The following B3GALT1 variants were observed in gnomAD, a reference collection of about 807,000 sequenced individuals.
B3GALT1 encodes beta-1,3-galactosyltransferase 1.
Under a neutral mutation model 23.2 loss-of-function variants are expected in B3GALT1, and 10 were observed. The ratio of observed to expected loss-of-function variants is 0.43; its 90% confidence interval spans 0.27 to 0.73. The LOEUF (loss-of-function observed/expected upper bound fraction) is 0.73. B3GALT1 is among the 30% of genes least tolerant of loss of function. The pLI, the probability that B3GALT1 is intolerant of heterozygous loss-of-function variation, is 0.21. For synonymous variants in B3GALT1, 156 were observed against 141.5 expected (o/e 1.10, Z -0.73); for missense variants, 299 against 405.4 (o/e 0.74, Z 2.25).
At chr2:167,394,759 C>G (rs186105453) in intron 1 of B3GALT1, among the ~76,000 whole-genome samples, 1 of 152,116 alleles carries the variant, frequency 6.6e-6, no homozygotes, top group Non-Finnish European at 1.5e-5. Flanking sequence ...GACCAGAAGA[C>G]AAAATTGTAG....
intron 2 of B3GALT1, among the ~76,000 whole-genome samples, chr2:167,632,699 C>G (rs1040385599): frequency 6.6e-6 from 1 of 151,782 alleles, no homozygotes; most frequent in African/African-American, 2.4e-5. Context: ...GATATTAGCC[C>G]TTTGTGAGAT....
chr2:167,762,313 G>A (rs568190263), intron 3 of B3GALT1, among the ~76,000 whole-genome samples: 1 of 152,164 alleles, frequency 6.6e-6, no homozygotes, highest in African/African-American at 2.4e-5. Context: ...CAAGAATATG[G>A]CATTTTGAAT....
At chr2:167,689,531 G>C (rs549660710) in intron 3 of B3GALT1, among the ~76,000 whole-genome samples, 2 of 152,276 alleles carry the variant, frequency 1.3e-5, no homozygotes, top group South Asian at 4.1e-4. Flanking sequence ...TTTTCCTCTT[G>C]AGTCTTCAGG....
At chr2:167,715,931 T>A in intron 3 of B3GALT1, 1 of 1,612,810 alleles carries the variant, frequency 6.2e-7, no homozygotes, top group Non-Finnish European at 8.5e-7. Flanking sequence ...CAGCTGCGCA[T>A]ACCACCAGTT....
chr2:167,785,380 C>T (rs1688322778), intron 3 of B3GALT1, among the ~76,000 whole-genome samples: 1 of 152,050 alleles, frequency 6.6e-6, no homozygotes, highest in Admixed American at 6.5e-5. Flanking sequence ...TATGCACTGG[C>T]CTATCCCAGG....
chr2:167,413,515 A>T (rs1698423063), intron 1 of B3GALT1, among the ~76,000 whole-genome samples: 8 of 151,988 alleles, frequency 5.3e-5, no homozygotes, highest in Admixed American at 5.2e-4. Context: ...CTATTTTGTC[A>T]GTTAATCCTA....
At chr2:167,400,807 A>G (rs1245688011) in intron 1 of B3GALT1, among the ~76,000 whole-genome samples, 1 of 152,120 alleles carries the variant, frequency 6.6e-6, no homozygotes, top group Non-Finnish European at 1.5e-5. Flanking sequence ...ATAGCTTACT[A>G]GAAAATCTGG....
At chr2:167,513,068 CAA>C (rs544667836) in intron 2 of B3GALT1, among the ~76,000 whole-genome samples, 3,835 of 72,310 alleles carry the variant, frequency 0.053, 66 homozygotes, top group African/African-American at 0.15. Context: ...ATTCATGCCA[CAA>C]AAAAAAAAAA....
chr2:167,587,066 C>G (rs1684595707), intron 2 of B3GALT1, among the ~76,000 whole-genome samples: 1 of 152,158 alleles, frequency 6.6e-6, no homozygotes, highest in Non-Finnish European at 1.5e-5. Context: ...CTTATTTTAA[C>G]CCCTCCTCTC....
chr2:167,467,972 T>A (rs1699372234), intron 1 of B3GALT1, among the ~76,000 whole-genome samples: 1 of 152,124 alleles, frequency 6.6e-6, no homozygotes, highest in Non-Finnish European at 1.5e-5. Flanking sequence ...TATACATATA[T>A]AATATGTTAG....
chr2:167,711,807 A>G (rs781045865), intron 3 of B3GALT1, among the ~76,000 whole-genome samples: 8 of 152,142 alleles, frequency 5.3e-5, no homozygotes, highest in Non-Finnish European at 8.8e-5. Flanking sequence ...TATCCTAAAA[A>G]TACAAAAAAA....
intron 1 of B3GALT1, among the ~76,000 whole-genome samples, chr2:167,356,114 A>G (rs767463079): frequency 2.0e-5 from 3 of 152,184 alleles, no homozygotes; most frequent in African/African-American, 4.8e-5. Flanking sequence ...CTGGCAAGAT[A>G]GTTACTACCC....
chr2:167,484,917 A>T (rs575111268), intron 1 of B3GALT1, among the ~76,000 whole-genome samples: 1 of 152,210 alleles, frequency 6.6e-6, no homozygotes, highest in African/African-American at 2.4e-5. Flanking sequence ...GCAGTCTGTC[A>T]TGTGATGCTA....
chr2:167,363,960 A>G (rs1574049587), intron 1 of B3GALT1, among the ~76,000 whole-genome samples: 1 of 152,038 alleles, frequency 6.6e-6, no homozygotes, highest in African/African-American at 2.4e-5. Flanking sequence ...GGAGTTCAAG[A>G]CCAGCCTGGC....
Position 167,321,822 on chromosome 2 carries a change from T to C in B3GALT1, c.-511+28488T>C, listed in dbSNP as rs566829553. Among the ~76,000 whole-genome samples, 153 of 152,184 alleles carry C rather than the reference T, an allele frequency of 1.0e-3. 1 individual carries two copies. Among genetic ancestry groups the C allele is most frequent in the South Asian group, 3.5e-3 (17 of 4,826 alleles). Reference sequence around the variant, plus strand: ...CCTATTCCACTTATAAACTTCCCAATATGGTAATCTAAACTGGGTCTGTTT... The same window carrying C: ...CCTATTCCACTTATAAACTTCCCAACATGGTAATCTAAACTGGGTCTGTTT... On this transcript the variant is annotated intron_variant, in intron 1 of 4. Transcript: ENST00000392690.
At chr2:167,840,099 C>T (rs569774604) in intron 4 of B3GALT1, among the ~76,000 whole-genome samples, 2 of 152,160 alleles carry the variant, frequency 1.3e-5, no homozygotes, top group Admixed American at 6.5e-5. Flanking sequence ...TAGGCATTAC[C>T]ATTCAGGACA....
At chr2:167,379,001 G>T (rs1608520) in intron 1 of B3GALT1, among the ~76,000 whole-genome samples, 122,098 of 152,060 alleles carry the variant, frequency 0.8, 50,966 homozygotes, top group East Asian at 0.92. Context: ...CTTTCTTCCT[G>T]TAATAGTCTG....
At chr2:167,353,297 G>A (rs1253591998) in intron 1 of B3GALT1, among the ~76,000 whole-genome samples, 2 of 152,114 alleles carry the variant, frequency 1.3e-5, no homozygotes, top group African/African-American at 2.4e-5. Flanking sequence ...TGTATTTTAG[G>A]TACAAAATTA....
rs374922134 is a variant in B3GALT1 at position 167,635,197 on chromosome 2, ATC to A, written c.-409-11709_-409-11708del. On this transcript the variant is annotated intron_variant, in intron 2 of 4. Coordinates refer to ENST00000392690, the MANE Select transcript of B3GALT1 (RefSeq NM_020981.4). ...AATAAACTAGGTATTGATGGAACGTATCTCAAAAAATAAGAGCTATTTATGAC... is the reference window on the plus strand; with the variant it reads ...AATAAACTAGGTATTGATGGAACGTATCAAAAAATAAGAGCTATTTATGAC... Among the ~76,000 whole-genome samples the A allele has an allele frequency of 3.5e-4, 53 of 152,310 alleles. 1 individual carries two copies. The highest frequency in any genetic ancestry group is 1.1e-3 in the African/African-American group (46 of 41,572).
Sources: gnomAD v4.1 joint callset for allele counts (sites outside exome capture counted in the v4.1 genomes callset) on GRCh38, gnomAD v4.1.1 for gene constraint, MANE v1.5 for transcripts, NCBI Gene and HGNC (gene_info 2026-07-23, HGNC 2026-07-21) for gene names.